Variants in ZNF423 observed in about 807,000 individuals in gnomAD.
The protein encoded by ZNF423 is Ebf-associated zinc finger protein.
A neutral mutation model predicts 95.8 loss-of-function variants in ZNF423; 12 were observed. The observed-to-expected ratio is 0.13, with a 90% confidence interval of 0.08 to 0.20. The LOEUF is 0.20. Ranked by LOEUF, ZNF423 falls within the 10% of genes least tolerant of loss-of-function variation. The probability of loss-of-function intolerance (pLI) is 1.00; values close to 1 mark genes in which losing one functional copy is unlikely to be tolerated. For missense variants in ZNF423, 1,316 were observed against 1,737.1 expected (o/e 0.76, Z 4.31); for synonymous variants, 749 against 711.9 (o/e 1.05, Z -0.83).
intron 5 of ZNF423, among the ~76,000 whole-genome samples, chr16:49,532,672 C>G (rs1018640378): frequency 6.6e-6 from 1 of 151,980 alleles, no homozygotes; most frequent in Non-Finnish European, 1.5e-5. Context: ...TGTAGTCCTC[C>G]GAGGGTTGCC....
At chr16:49,593,313 TG>T (rs1340475042) in intron 5 of ZNF423, among the ~76,000 whole-genome samples, 1 of 151,960 alleles carries the variant, frequency 6.6e-6, no homozygotes, top group Non-Finnish European at 1.5e-5. Context: ...CACGTGCCTG[TG>T]GTCCCAGCTA....
intron 1 of ZNF423, among the ~76,000 whole-genome samples, chr16:49,834,371 T>A (rs2144068690): frequency 6.6e-6 from 1 of 152,306 alleles, no homozygotes; most frequent in African/African-American, 2.4e-5. Context: ...AGGTTAGCTA[T>A]CTGCTCCAAG....
chr16:49,731,420 G>C, intron 2 of ZNF423: 16 of 974,850 alleles, frequency 1.6e-5, no homozygotes, highest in Non-Finnish European at 1.8e-5. Context: ...AGGCCTCCCA[G>C]GGCAGTGACG....
chr16:49,753,067 A>G (rs1215180721), intron 2 of ZNF423, among the ~76,000 whole-genome samples: 1 of 152,166 alleles, frequency 6.6e-6, no homozygotes, highest in Non-Finnish European at 1.5e-5. Flanking sequence ...AGCATGGTGA[A>G]GCCCCATCTC....
chr16:49,636,883 A>C lies in ZNF423; in HGVS notation c.2293T>G (p.Trp765Gly), dbSNP rs1238765648. 1 of 1,614,004 alleles carries C rather than the reference A, an allele frequency of 6.2e-7. No individual in the cohort carries two copies. Among genetic ancestry groups the C allele is most frequent in the South Asian group, 1.1e-5 (1 of 91,088 alleles). Residue 765 changes from tryptophan (W) to glycine (G), a missense_variant, in exon 4 of 8, where the codon TGG becomes GGG. Physicochemically the swap from Trp to Gly is radical, Grantham distance 184. Coordinates refer to ENST00000563137, the MANE Select transcript of ZNF423 (RefSeq NM_001379286.1). The surrounding 1 kb of genome is among the most constrained non-coding windows in gnomAD (Gnocchi z 8.6). ...KKMYRCTACN[W>G]DFRKEADLQV... is the part of the protein sequence containing the mutation. ...AGGTCAGCCTCCTTGCGGAAGTCCCAGTTGCAGGCCGTGCAGCGGTACATC... is the reference window on the plus strand; with the variant it reads ...AGGTCAGCCTCCTTGCGGAAGTCCCCGTTGCAGGCCGTGCAGCGGTACATC...
At chr16:49,634,245 G>A (rs1472808667) in intron 4 of ZNF423, among the ~76,000 whole-genome samples, 1 of 141,850 alleles carries the variant, frequency 7.0e-6, no homozygotes, top group African/African-American at 2.7e-5. Context: ...GTCCCACTCT[G>A]CCACCCAGGC....
intron 3 of ZNF423, among the ~76,000 whole-genome samples, chr16:49,680,228 C>T (rs1225526192): frequency 6.6e-6 from 1 of 152,242 alleles, no homozygotes; most frequent in Non-Finnish European, 1.5e-5. Flanking sequence ...CAGGTGTCCT[C>T]TCAGCTGAGA....
intron 3 of ZNF423, among the ~76,000 whole-genome samples, chr16:49,691,004 G>A (rs118051020): frequency 0.025 from 3,804 of 152,358 alleles, 58 homozygotes; most frequent in Non-Finnish European, 0.039. Context: ...CATGGCTCCA[G>A]CCTGAGGCCC....
chr16:49,535,057 G>C (rs1969007025), intron 5 of ZNF423, among the ~76,000 whole-genome samples: 1 of 152,154 alleles, frequency 6.6e-6, no homozygotes, highest in Non-Finnish European at 1.5e-5. Context: ...ACTGAGTCAG[G>C]GGCGTGATCA....
At chr16:49,593,761 C>G (rs1417370408) in intron 5 of ZNF423, among the ~76,000 whole-genome samples, 1 of 152,138 alleles carries the variant, frequency 6.6e-6, no homozygotes, top group Non-Finnish European at 1.5e-5. Flanking sequence ...GGTGTGGGAC[C>G]TGGAAGAAAT....
intron 3 of ZNF423, among the ~76,000 whole-genome samples, chr16:49,697,705 C>T (rs1301301172): frequency 6.6e-6 from 1 of 152,228 alleles, no homozygotes; most frequent in Non-Finnish European, 1.5e-5. Flanking sequence ...GTGGGATGGG[C>T]AGGAGTGCCA....
intron 1 of ZNF423, among the ~76,000 whole-genome samples, chr16:49,833,835 TGGGCAGGGA>T (rs916134436): frequency 1.5e-4 from 7 of 48,144 alleles, no homozygotes; most frequent in East Asian, 4.8e-4. Context: ...CAGGGCTGGG[TGGGCAGGGA>T]GGGCAGGGAG....
chr16:49,677,454 A>T (rs952897256), intron 3 of ZNF423, among the ~76,000 whole-genome samples: 1 of 150,910 alleles, frequency 6.6e-6, no homozygotes, highest in Non-Finnish European at 1.5e-5. Flanking sequence ...GAAAAGAGAA[A>T]GAAGAGAAGA....
At chr16:49,694,386 G>T (rs543120122) in intron 3 of ZNF423, among the ~76,000 whole-genome samples, 1 of 152,274 alleles carries the variant, frequency 6.6e-6, no homozygotes, top group South Asian at 2.1e-4. Flanking sequence ...AACAGAGAGG[G>T]TTCCATTAAA....
intron 1 of ZNF423, among the ~76,000 whole-genome samples, chr16:49,815,904 ATATATATATATTTTTTTTTTTT>A (rs2034843100): frequency 1.3e-4 from 6 of 46,614 alleles, no homozygotes; most frequent in African/African-American, 5.3e-4. Context: ...ATATATATAT[ATATATATATATTTTTTTTTTTT>A]TTTTTTTTTT....
chr16:49,748,870 C>T lies in ZNF423; in HGVS notation c.101-17899G>A, dbSNP rs1217696251. ...AGGGGTTCCAGCTTCTTCTGAGCATCGAGGTGCTTCCCGGGATACCAGGTT... is the reference window on the plus strand; with the variant it reads ...AGGGGTTCCAGCTTCTTCTGAGCATTGAGGTGCTTCCCGGGATACCAGGTT... On this transcript the variant is annotated intron_variant, in intron 2 of 7. Coordinates refer to ENST00000563137, the MANE Select transcript of ZNF423 (RefSeq NM_001379286.1). Among the ~76,000 whole-genome samples the T allele has an allele frequency of 3.9e-5, 6 of 152,254 alleles. 1 individual carries two copies. The South Asian group carries it at 1.0e-3, about 26-fold the overall frequency.
chr16:49,508,852 C>T (rs1967765245), intron 7 of ZNF423, among the ~76,000 whole-genome samples: 1 of 152,100 alleles, frequency 6.6e-6, no homozygotes, highest in African/African-American at 2.4e-5. Context: ...ACCCTAGAAC[C>T]CCAAAGAGCA....
rs200494811 is a variant in ZNF423, at chr16:49,635,922, T to C, written c.3254A>G (p.Gln1085Arg). Residue 1085 changes from glutamine to arginine, a missense_variant, in exon 4 of 8, where the codon CAG (glutamine) becomes CGG (arginine). This residue lies in a region of ZNF423 where 620 missense variants were observed against 775.6 expected (regional missense o/e 0.80). Coordinates refer to ENST00000563137, the MANE Select transcript of ZNF423 (RefSeq NM_001379286.1). The surrounding 1 kb of genome is among the most constrained non-coding windows in gnomAD (Gnocchi z 4.8). ...ATTGACGTCAAGCTTCACCAGGTCCTGCTTGCTGCGGAACTCCTTGAGGCA... is the reference window on the plus strand; with the variant it reads ...ATTGACGTCAAGCTTCACCAGGTCCCGCTTGCTGCGGAACTCCTTGAGGCA... ...ALCLKEFRSK[Q>R]DLVKLDVNGL... is the part of the protein sequence containing the mutation. The C allele has an allele frequency of 6.3e-4, 998 of 1,587,388 alleles. No individual in the cohort carries two copies. Among genetic ancestry groups the C allele is most frequent in the Non-Finnish European group, 8.1e-4 (947 of 1,166,464 alleles).
intron 7 of ZNF423, among the ~76,000 whole-genome samples, chr16:49,507,426 G>A (rs910269226): frequency 2.6e-5 from 4 of 152,012 alleles, no homozygotes; most frequent in South Asian, 2.1e-4. Context: ...GAGCCACCAC[G>A]CCTGGCCAAT....
Sources: gnomAD v4.1 joint callset for allele counts (sites outside exome capture counted in the v4.1 genomes callset) on GRCh38, gnomAD v4.1.1 for gene constraint, gnomAD v4.1.1 regional missense constraint, Gnocchi (gnomAD v3.1) non-coding constraint, MANE v1.5 for transcripts, NCBI Gene and HGNC (gene_info 2026-07-23, HGNC 2026-07-21) for gene names.